GATAD1: variants seen among roughly 807,000 people sequenced by gnomAD.
GATAD1 encodes the protein GATA zinc finger domain-containing protein 1.
A neutral mutation model predicts 26.5 loss-of-function variants in GATAD1; 12 were observed. That is an observed-to-expected ratio of 0.45 (90% CI 0.29 to 0.73). GATAD1 has a LOEUF of 0.73. GATAD1 is among the 30% of genes least tolerant of loss of function. The pLI is 0.10. For missense variants in GATAD1, 266 were observed against 342.1 expected, an observed-to-expected ratio of 0.78 and a Z score of 1.75; for synonymous variants, 129 against 133.1, an observed-to-expected ratio of 0.97 and a Z score of 0.21.
chr7:92,463,662 CAAA>C (rs34356967), downstream of GATAD1, among the ~76,000 whole-genome samples: 6 of 72,682 alleles, frequency 8.3e-5, no homozygotes, highest in East Asian at 4.1e-4. Flanking sequence ...GATTCCGTCT[CAAA>C]AAAAAAAAAA....
In GATAD1 at chr7:92,447,990, C is replaced by T. The variant is rs1389199179; in HGVS notation, c.249+12C>T. 3 of 1,213,446 alleles carry T rather than the reference C, an allele frequency of 2.5e-6. No individual in the cohort carries two copies. The highest frequency in any genetic ancestry group is 3.4e-5 in the East Asian group (1 of 29,836). The allele number at this position is 1,213,446 out of a possible 1,614,324, so 75.2% of individuals were successfully genotyped here. A position where few individuals can be genotyped will look rare whatever the true frequency, so the allele number is the denominator to read the frequency against. On this transcript the variant is annotated intron_variant, in intron 1 of 4. Transcript: ENST00000287957. ...GGGGCGGCAAGCAGGTGAGCTCCTCCGGCCCCTCCCGCCGGCGGAGGCCGA... is the reference window on the plus strand; with the variant it reads ...GGGGCGGCAAGCAGGTGAGCTCCTCTGGCCCCTCCCGCCGGCGGAGGCCGA...
the GATAD1 span, chr7:92,491,304 A>C: frequency 6.2e-7 from 1 of 1,613,356 alleles, no homozygotes; most frequent in East Asian, 2.2e-5. Context: ...CCAAGTTCTG[A>C]TTCATAAGAG....
At chr7:92,468,845 T>G in the GATAD1 span, 1 of 764,420 alleles carries the variant, frequency 1.3e-6, no homozygotes, top group Non-Finnish European at 2.4e-6. Flanking sequence ...TTGATGTCAT[T>G]AACATCAGAT....
the GATAD1 span, among the ~76,000 whole-genome samples, chr7:92,485,203 C>T: frequency 6.6e-6 from 1 of 152,168 alleles, no homozygotes; most frequent in African/African-American, 2.4e-5. Flanking sequence ...TCTTTGGTTA[C>T]TTCAGGCCAT....
chr7:92,494,538 G>C, the GATAD1 span: 2 of 1,613,580 alleles, frequency 1.2e-6, no homozygotes, highest in South Asian at 1.1e-5. Flanking sequence ...TTAACTACTC[G>C]GTCTGTAACT....
At chr7:92,454,146 ATCTC>A in intron 3 of GATAD1, 1 of 246,124 alleles carries the variant, frequency 4.1e-6, no homozygotes, top group Non-Finnish European at 7.8e-6. Context: ...TATATGGGAA[ATCTC>A]TCTACTTCTG....
At chr7:92,453,039 C>T (rs1486472988) in intron 3 of GATAD1, among the ~76,000 whole-genome samples, 2 of 152,200 alleles carry the variant, frequency 1.3e-5, no homozygotes, top group Non-Finnish European at 2.9e-5. Flanking sequence ...GGACTGTGGC[C>T]TGCATAGACC....
the GATAD1 span, chr7:92,477,691 G>A: frequency 2.2e-4 from 37 of 166,296 alleles, no homozygotes; most frequent in Admixed American, 1.3e-3. Context: ...ACAATGGCAA[G>A]CCTTTAGCCC....
chr7:92,447,646 T>C lies in GATAD1; in HGVS notation c.-84T>C, dbSNP rs1737294239. The stretch of plus-strand genomic sequence containing the variant: ...TCACCGCTCTTCCTATCGCCGGGAG[T>C]GGCGGGCCGACCAGGGGGCGGCCGG... On this transcript the variant is annotated 5_prime_UTR_variant, in exon 1 of 5. Coordinates refer to ENST00000287957, the MANE Select transcript of GATAD1 (RefSeq NM_021167.5). The C allele has an allele frequency of 7.6e-7, 1 of 1,314,568 alleles. No individual in the cohort carries two copies. Among genetic ancestry groups the C allele is most frequent in the South Asian group, 1.9e-5 (1 of 52,376 alleles). The allele number at this position is 1,314,568 out of a possible 1,614,324, so 81.4% of individuals were successfully genotyped here.
chr7:92,493,979 TGACAGGA>T, the GATAD1 span: 1 of 304,646 alleles, frequency 3.3e-6, no homozygotes, highest in African/African-American at 2.2e-5. Context: ...GTTTTTTTTT[TGACAGGA>T]TAATGGAAGT....
the GATAD1 span, among the ~76,000 whole-genome samples, chr7:92,485,278 G>A: frequency 5.3e-5 from 8 of 152,192 alleles, no homozygotes; most frequent in African/African-American, 7.2e-5. Context: ...CCTGACAGTC[G>A]TTTTATCTAA....
chr7:92,449,006 C>T (rs754474695), intron 2 of GATAD1, 129 bp downstream of exon 2: 1 of 1,093,538 alleles, frequency 9.1e-7, no homozygotes, highest in Non-Finnish European at 1.3e-6. Context: ...GGGGAATGGT[C>T]CAGATTCCCC....
chr7:92,461,073 T>C (rs1368120087), downstream of GATAD1, among the ~76,000 whole-genome samples: 1 of 152,144 alleles, frequency 6.6e-6, no homozygotes, highest in Admixed American at 6.5e-5. Context: ...GCTGAGAAAA[T>C]AAAGTCAGTG....
In GATAD1 at chr7:92,450,776, GT is replaced by G; in HGVS notation, c.435+18del. ...CTTCTACAAGGTAAGCTTTTGTAGA[GT>G]TACTGAAGGAAGAGTTGGGCCTAGT... On this transcript the variant is annotated intron_variant, in intron 3 of 4. Coordinates refer to ENST00000287957, the MANE Select transcript of GATAD1 (RefSeq NM_021167.5). 1 of 1,552,944 alleles carries G rather than the reference GT, an allele frequency of 6.4e-7. No homozygotes were observed. Among genetic ancestry groups the G allele is most frequent in the Non-Finnish European group, 8.9e-7 (1 of 1,124,392 alleles).
chr7:92,469,921 A>G, the GATAD1 span: 1 of 778,492 alleles, frequency 1.3e-6, no homozygotes, highest in Non-Finnish European at 2.4e-6. Flanking sequence ...GGTTTCATGT[A>G]GTTTTGAGAG....
At chr7:92,469,106 G>A in the GATAD1 span, 1 of 702,344 alleles carries the variant, frequency 1.4e-6, no homozygotes, top group Admixed American at 2.0e-5. Flanking sequence ...GCTCTACGTT[G>A]TATTCGATCT....
At chr7:92,474,022 T>C in the GATAD1 span, among the ~76,000 whole-genome samples, 1 of 152,158 alleles carries the variant, frequency 6.6e-6, no homozygotes, top group Non-Finnish European at 1.5e-5. Context: ...GGACAATCTT[T>C]TTTAAAGTGT....
the GATAD1 span, among the ~76,000 whole-genome samples, chr7:92,466,331 T>G: frequency 6.6e-6 from 1 of 152,052 alleles, no homozygotes; most frequent in Non-Finnish European, 1.5e-5. Flanking sequence ...CATGCCCAGC[T>G]ATTTTTTTTT....
At chr7:92,469,105 T>A in the GATAD1 span, 8 of 702,250 alleles carry the variant, frequency 1.1e-5, no homozygotes, top group Non-Finnish European at 2.1e-5. Context: ...TGCTCTACGT[T>A]GTATTCGATC....
Sources: allele counts gnomAD v4.1 joint callset (sites outside exome capture counted in the v4.1 genomes callset), GRCh38; gene constraint gnomAD v4.1.1; transcripts MANE v1.5; gene names NCBI Gene and HGNC (gene_info 2026-07-23, HGNC 2026-07-21).